Variants in OR2A1 observed in about 807,000 individuals in gnomAD.
OR2A1 encodes the protein olfactory receptor family 2 subfamily A member 1.
For synonymous variants in OR2A1, 2 were observed against 94.7 expected (o/e 0.02, Z 5.68); for missense variants, 1 against 212.3 (o/e 0.00, Z 6.19).
chr7:144,316,079 T>C (rs2053073609), intron 1 of OR2A1, among the ~76,000 whole-genome samples: 1 of 149,622 alleles, frequency 6.7e-6, no homozygotes, highest in Non-Finnish European at 1.5e-5. Flanking sequence ...TCATATGCTT[T>C]GCGTGTTTTC....
At chr7:144,315,951 G>A (rs2053071568) in intron 1 of OR2A1, among the ~76,000 whole-genome samples, 1 of 90,828 alleles carries the variant, frequency 1.1e-5, no homozygotes. Context: ...ACAGTGAGCC[G>A]TAATCACACC....
rs889823520 is a variant in OR2A1, at chr7:144,322,440, T to G, written c.*3383T>G. On this transcript the variant is annotated 3_prime_UTR_variant, in exon 2 of 2. Coordinates refer to ENST00000641044, the MANE Select transcript of OR2A1 (RefSeq NM_001005287.2). Reference sequence around the variant, plus strand: ...TAGCTGATAATTATTGAGCACTTACTATGTGGTTGGCACTGCATAAAATGC... The same window carrying G: ...TAGCTGATAATTATTGAGCACTTACGATGTGGTTGGCACTGCATAAAATGC... 1 of 150,908 alleles carries G rather than the reference T, an allele frequency of 6.6e-6. No individual in the cohort carries two copies. The highest frequency in any genetic ancestry group is 1.5e-5 in the Non-Finnish European group (1 of 67,786). 9.3% of individuals were successfully genotyped at this position (150,908 alleles called of 1,614,324 possible). A position where few individuals can be genotyped will look rare whatever the true frequency, so the allele number is the denominator to read the frequency against.
chr7:144,316,206 T>C (rs1445030709), intron 1 of OR2A1, among the ~76,000 whole-genome samples: 7 of 149,808 alleles, frequency 4.7e-5, no homozygotes, highest in Admixed American at 1.4e-4. Context: ...TTTATTTGTG[T>C]CTTGCTGATA....
Position 144,322,677 on chromosome 7 carries a change from A to G in OR2A1, c.*3620A>G. The stretch of plus-strand genomic sequence containing the variant: ...AGGACCTCCTGATATTCATCTCCTG[A>G]ATGGTTGGCAACAGGCCTGTTCATA... On this transcript the variant is annotated 3_prime_UTR_variant, in exon 2 of 2. Coordinates refer to ENST00000641044, the MANE Select transcript of OR2A1 (RefSeq NM_001005287.2). The G allele has an allele frequency of 6.7e-6, 1 of 150,178 alleles. No individual in the cohort carries two copies. The highest frequency in any genetic ancestry group is 1.5e-5 in the Non-Finnish European group (1 of 67,640). 9.3% of individuals were successfully genotyped at this position (150,178 alleles called of 1,614,324 possible). A position where few individuals can be genotyped will look rare whatever the true frequency, so the allele number is the denominator to read the frequency against.
chr7:144,313,282 T>C (rs1227373294), intron 1 of OR2A1, among the ~76,000 whole-genome samples: 1 of 101,202 alleles, frequency 9.9e-6, no homozygotes, highest in Non-Finnish European at 2.0e-5. Context: ...TAAATAATTA[T>C]TGAATACCTA....
rs1286404371 is a variant in OR2A1, at chr7:144,322,685, G to A, written c.*3628G>A. On this transcript the variant is annotated 3_prime_UTR_variant, in exon 2 of 2. Coordinates refer to ENST00000641044, the MANE Select transcript of OR2A1 (RefSeq NM_001005287.2). The stretch of plus-strand genomic sequence containing the variant: ...CTGATATTCATCTCCTGAATGGTTG[G>A]CAACAGGCCTGTTCATAGTAGACAC... 5 of 150,182 alleles carry A rather than the reference G, an allele frequency of 3.3e-5. No homozygotes were observed. Among genetic ancestry groups the A allele is most frequent in the Non-Finnish European group, 7.4e-5 (5 of 67,644 alleles). The allele number at this position is 150,182 out of a possible 1,614,324, so 9.3% of individuals were successfully genotyped here.
At chr7:144,313,422 T>TGTTTTTC (rs1586998787) in intron 1 of OR2A1, among the ~76,000 whole-genome samples, 1 of 95,478 alleles carries the variant, frequency 1.0e-5, no homozygotes, top group Non-Finnish European at 2.1e-5. Flanking sequence ...GTTTGTTTTT[T>TGTTTTTC]TACCATCTTT....
At chr7:144,316,850 C>CTT (rs199887921) in intron 1 of OR2A1, among the ~76,000 whole-genome samples, 12 of 130,480 alleles carry the variant, frequency 9.2e-5, no homozygotes, top group African/African-American at 1.7e-4. Flanking sequence ...TCCAGAGAAG[C>CTT]TTTTTCTTCA....
At chr7:144,312,584 TATC>T (rs1359651070) in intron 1 of OR2A1, 37 bp downstream of exon 1, 4 of 68,914 alleles carry the variant, frequency 5.8e-5, no homozygotes, top group African/African-American at 2.5e-4. Flanking sequence ...ATGTGCTGAT[TATC>T]TTTCTGCAAT....
chr7:144,312,223 C>T (rs1366139980), upstream of OR2A1, among the ~76,000 whole-genome samples: 1 of 92,106 alleles, frequency 1.1e-5, no homozygotes, highest in African/African-American at 4.4e-5. Context: ...TGTCCTGTCT[C>T]TCCTTCCCCA....
rs1409210972 is a variant in OR2A1 at position 144,321,745 on chromosome 7, T to C, written c.*2688T>C. 2.0e-5 allele frequency: 3 copies of C among 148,824 alleles called. No individual in the cohort carries two copies. Among genetic ancestry groups the C allele is most frequent in the East Asian group, 3.9e-4 (2 of 5,172 alleles). 9.2% of individuals were successfully genotyped at this position (148,824 alleles called of 1,614,324 possible). A position where few individuals can be genotyped will look rare whatever the true frequency, so the allele number is the denominator to read the frequency against. On this transcript the variant is annotated 3_prime_UTR_variant, in exon 2 of 2. Transcript: ENST00000641044. ...AAGATGCAAATGGACACATTTTTTT[T>C]CTGAAGACTTAAAAGTGCTATGTGA...
At chr7:144,316,981 T>TAGGACTTA (rs2053095289) in intron 1 of OR2A1, among the ~76,000 whole-genome samples, 1 of 124,834 alleles carries the variant, frequency 8.0e-6, no homozygotes, top group African/African-American at 3.0e-5. Flanking sequence ...AAATGTTATC[T>TAGGACTTA]AGGACTTAAG....
intron 1 of OR2A1, among the ~76,000 whole-genome samples, chr7:144,315,923 A>C (rs1425855535): frequency 1.2e-5 from 1 of 86,840 alleles, no homozygotes; most frequent in Non-Finnish European, 2.8e-5. Flanking sequence ...GATCGCTTGA[A>C]TCTGATATGT....
intron 1 of OR2A1, 82 bp downstream of exon 1, chr7:144,312,629 T>G (rs965895421): frequency 1.7e-5 from 1 of 57,938 alleles, no homozygotes; most frequent in Non-Finnish European, 3.1e-5. Context: ...TCATGCTAAC[T>G]TCTTTGAACA....
chr7:144,318,721 TGCA>T lies in OR2A1; in HGVS notation c.600_602del (p.Ala201del), dbSNP rs1166142213. 1.7e-6 allele frequency: 1 copy of T among 579,130 alleles called. No homozygotes were observed. Among genetic ancestry groups the T allele is most frequent in the Admixed American group, 2.8e-5 (1 of 35,270 alleles). The allele number at this position is 579,130 out of a possible 1,614,324, so 35.9% of individuals were successfully genotyped here. The stretch of plus-strand genomic sequence containing the variant: ...CCTGGCTCAACCAGGTGGTCATCTT[TGCA>T]GCCTGCGTGTTCTTCCTGGTGGGGC... On this transcript the variant is annotated inframe_deletion, in exon 2 of 2. Transcript: ENST00000641044.
intron 1 of OR2A1, among the ~76,000 whole-genome samples, chr7:144,315,948 G>A (rs2053071348): frequency 1.1e-5 from 1 of 89,574 alleles, no homozygotes; most frequent in South Asian, 3.2e-4. Flanking sequence ...ACTACAGTGA[G>A]CCGTAATCAC....
chr7:144,313,403 TTTG>T (rs1308923723), intron 1 of OR2A1, among the ~76,000 whole-genome samples: 2 of 58,536 alleles, frequency 3.4e-5, no homozygotes, highest in Admixed American at 3.9e-4. Flanking sequence ...TTTGGTTTTT[TTTG>T]TTGTTGTTTG....
At position 144,322,548 on chromosome 7, in the gene OR2A1, T is replaced by G. The variant is rs1464298824; in HGVS notation, c.*3491T>G. ...AAAGGGGGGGAAATAAAGTTTAGTGTAATTAATTAATTTATTCAAGGTCGC... is the reference window on the plus strand; with the variant it reads ...AAAGGGGGGGAAATAAAGTTTAGTGGAATTAATTAATTTATTCAAGGTCGC... On this transcript the variant is annotated 3_prime_UTR_variant, in exon 2 of 2. Transcript: ENST00000641044. 1 of 150,672 alleles carries G rather than the reference T, an allele frequency of 6.6e-6. No individual in the cohort carries two copies. The highest frequency in any genetic ancestry group is 6.6e-5 in the Admixed American group (1 of 15,204). The allele number at this position is 150,672 out of a possible 1,614,324, so 9.3% of individuals were successfully genotyped here.
In OR2A1 at chr7:144,322,541, T is replaced by C. The variant is rs1417414003; in HGVS notation, c.*3484T>C. 1.3e-5 allele frequency: 2 copies of C among 150,586 alleles called. No homozygotes were observed. The highest frequency in any genetic ancestry group is 6.6e-5 in the Admixed American group (1 of 15,208). 9.3% of individuals were successfully genotyped at this position (150,586 alleles called of 1,614,324 possible). On this transcript the variant is annotated 3_prime_UTR_variant, in exon 2 of 2. Transcript: ENST00000641044. ...TAACATTAAAGGGGGGGAAATAAAG[T>C]TTAGTGTAATTAATTAATTTATTCA...
Sources: gnomAD v4.1 joint callset for allele counts (sites outside exome capture counted in the v4.1 genomes callset) on GRCh38, gnomAD v4.1.1 for gene constraint, MANE v1.5 for transcripts, NCBI Gene and HGNC (gene_info 2026-07-23, HGNC 2026-07-21) for gene names.